The following ENTPD1 variants were observed in gnomAD, a reference collection of about 807,000 sequenced individuals.
The protein encoded by ENTPD1 is ectonucleoside triphosphate diphosphohydrolase 1.
ENTPD1 carries 33 observed loss-of-function variants against 57.0 expected under a neutral mutation model. The ratio of observed to expected loss-of-function variants is 0.58; its 90% CI spans 0.44 to 0.77. The LOEUF (loss-of-function observed/expected upper bound fraction) is 0.77. Ranked by LOEUF, ENTPD1 falls within the 30% of genes least tolerant of loss-of-function variation. ENTPD1 has a pLI of 0.00. For missense variants in ENTPD1, 501 were observed against 603.4 expected (o/e 0.83, Z 1.78); for synonymous variants, 202 against 218.8 (o/e 0.92, Z 0.68).
chr10:95,825,534 GT>G (rs1311251896), intron 2 of ENTPD1, among the ~76,000 whole-genome samples: 3 of 151,998 alleles, frequency 2.0e-5, no homozygotes, highest in African/African-American at 7.2e-5. Flanking sequence ...ACTGATACAT[GT>G]TTTTTGTTTG....
At chr10:95,764,432 A>G (rs1396491953) in intron 1 of ENTPD1, among the ~76,000 whole-genome samples, 1 of 152,130 alleles carries the variant, frequency 6.6e-6, no homozygotes, top group Non-Finnish European at 1.5e-5. Flanking sequence ...GGTCACTTGT[A>G]TGTCTATGTT....
At chr10:95,779,627 T>G (rs754134660) in intron 1 of ENTPD1, among the ~76,000 whole-genome samples, 1 of 152,160 alleles carries the variant, frequency 6.6e-6, no homozygotes, top group Non-Finnish European at 1.5e-5. Context: ...CTACTTCTAC[T>G]TACTCCTTTT....
At chr10:95,763,221 G>A (rs897902713) in intron 1 of ENTPD1, among the ~76,000 whole-genome samples, 9 of 151,934 alleles carry the variant, frequency 5.9e-5, no homozygotes, top group Admixed American at 3.9e-4. Flanking sequence ...CACCACACCC[G>A]GCCTCTGATA....
chr10:95,798,785 A>G (rs1348810943), intron 1 of ENTPD1, among the ~76,000 whole-genome samples: 1 of 152,238 alleles, frequency 6.6e-6, no homozygotes, highest in Non-Finnish European at 1.5e-5. Context: ...TTGTTAAGGT[A>G]GAGACACATT....
intron 1 of ENTPD1, among the ~76,000 whole-genome samples, chr10:95,734,414 A>C (rs1327354618): frequency 6.6e-6 from 1 of 152,220 alleles, no homozygotes; most frequent in Non-Finnish European, 1.5e-5. Flanking sequence ...AAACAGAGAC[A>C]AAAAGGGCAG....
intron 1 of ENTPD1, among the ~76,000 whole-genome samples, chr10:95,799,528 C>G (rs150562781): frequency 6.6e-6 from 1 of 152,044 alleles, no homozygotes; most frequent in African/African-American, 2.4e-5. Flanking sequence ...ACCACATTTT[C>G]TTTATCTGGT....
At chr10:95,833,154 T>A (rs1241620352) in intron 2 of ENTPD1, among the ~76,000 whole-genome samples, 1 of 152,264 alleles carries the variant, frequency 6.6e-6, no homozygotes, top group Non-Finnish European at 1.5e-5. Flanking sequence ...TTATTTTTAC[T>A]CTATTGGATT....
chr10:95,810,728 G>C (rs1402766425), intron 1 of ENTPD1, among the ~76,000 whole-genome samples: 1 of 152,222 alleles, frequency 6.6e-6, no homozygotes, highest in African/African-American at 2.4e-5. Flanking sequence ...AACTGTGGGT[G>C]ATTTGGCTAA....
At chr10:95,733,563 G>A (rs898211685) in intron 1 of ENTPD1, among the ~76,000 whole-genome samples, 1 of 152,118 alleles carries the variant, frequency 6.6e-6, no homozygotes, top group Non-Finnish European at 1.5e-5. Context: ...AGTAAAGACA[G>A]GCATAAGAAA....
chr10:95,869,411 G>A lies in ENTPD1; in HGVS notation c.*3028G>A, dbSNP rs1045585892. 15 of 671,230 alleles carry A rather than the reference G, an allele frequency of 2.2e-5. No homozygotes were observed. In the Admixed American group the frequency reaches 2.5e-4, roughly 11 times the overall value. 41.6% of individuals were successfully genotyped at this position (671,230 alleles called of 1,614,324 possible). A position where few individuals can be genotyped will look rare whatever the true frequency, so the allele number is the denominator to read the frequency against. ...ATTGCAGGTGCCCACCACCACACCC[G>A]GCTAATTTTTGTATTTTTAGTAAAG... On this transcript the variant is annotated 3_prime_UTR_variant, in exon 10 of 10. Transcript: ENST00000371205.
At chr10:95,695,497 T>C in the ENTPD1 span, among the ~76,000 whole-genome samples, 2 of 152,264 alleles carry the variant, frequency 1.3e-5, no homozygotes, top group Non-Finnish European at 2.9e-5. Context: ...TTGACTTTAC[T>C]TGAATTCTCT....
At chr10:95,751,496 A>G (rs911470750), upstream of ENTPD1, among the ~76,000 whole-genome samples, 2 of 152,100 alleles carry the variant, frequency 1.3e-5, no homozygotes, top group African/African-American at 4.8e-5. Flanking sequence ...GAGGCAGCCT[A>G]TCACCTGAGG....
At chr10:95,817,191 T>C (rs1169853909) in intron 1 of ENTPD1, among the ~76,000 whole-genome samples, 1 of 152,186 alleles carries the variant, frequency 6.6e-6, no homozygotes, top group South Asian at 2.1e-4. Flanking sequence ...GAAAAGACTC[T>C]CCAGTGCTGA....
chr10:95,775,692 C>T (rs1221601689), intron 1 of ENTPD1, among the ~76,000 whole-genome samples: 1 of 152,110 alleles, frequency 6.6e-6, no homozygotes, highest in African/African-American at 2.4e-5. Context: ...ACTGGATATC[C>T]TTGTTAACCT....
At chr10:95,854,224 G>T (rs1008541111) in intron 7 of ENTPD1, among the ~76,000 whole-genome samples, 7 of 152,314 alleles carry the variant, frequency 4.6e-5, no homozygotes, top group Middle Eastern at 6.8e-3. Flanking sequence ...TTGCATAGAG[G>T]TGTTTATAGT....
At chr10:95,772,575 CACT>C (rs1213547641) in intron 1 of ENTPD1, among the ~76,000 whole-genome samples, 2 of 152,154 alleles carry the variant, frequency 1.3e-5, no homozygotes, top group African/African-American at 4.8e-5. Flanking sequence ...CTTCAGGCTC[CACT>C]ACTAATTCTA....
rs1419741503 is a variant in ENTPD1, at chr10:95,868,733, C to T, written c.*2350C>T. The T allele has an allele frequency of 1.0e-6, 1 of 985,198 alleles. No individual in the cohort carries two copies. Among genetic ancestry groups the T allele is most frequent in the Non-Finnish European group, 1.2e-6 (1 of 829,866 alleles). 61.0% of individuals were successfully genotyped at this position (985,198 alleles called of 1,614,324 possible). ...TTCTGGTTGAAGCCTATTGCTTTTT[C>T]TTTTCTAAACACTTTCCCTCAGCAA... is the stretch of plus-strand genomic sequence containing the variant. On this transcript the variant is annotated 3_prime_UTR_variant, in exon 10 of 10. Coordinates refer to ENST00000371205, the MANE Select transcript of ENTPD1 (RefSeq NM_001776.6).
chr10:95,808,183 T>G (rs1174567527), intron 1 of ENTPD1, among the ~76,000 whole-genome samples: 1 of 152,178 alleles, frequency 6.6e-6, no homozygotes, highest in East Asian at 1.9e-4. Context: ...AACCATGTGG[T>G]TTTTGTCTTT....
intron 2 of ENTPD1, among the ~76,000 whole-genome samples, chr10:95,829,113 T>C (rs1167928236): frequency 1.3e-5 from 2 of 152,230 alleles, no homozygotes; most frequent in Non-Finnish European, 2.9e-5. Context: ...CAAAGACTAA[T>C]GTTCTTTCCA....
Sources: allele counts gnomAD v4.1 joint callset (sites outside exome capture counted in the v4.1 genomes callset), GRCh38; gene constraint gnomAD v4.1.1; transcripts MANE v1.5; gene names NCBI Gene and HGNC (gene_info 2026-07-23, HGNC 2026-07-21).